The following CNTN1 variants were observed in gnomAD, a reference collection of about 807,000 sequenced individuals.
CNTN1 encodes contactin 1, also known as contactin-1.
In CNTN1, 38 loss-of-function variants were observed where a neutral mutation model predicts 126.4. The ratio of observed to expected loss-of-function variants is 0.30; its 90% CI spans 0.23 to 0.39. CNTN1 has a LOEUF of 0.39. Among genes scored for constraint, CNTN1 ranks in the 10% least tolerant of loss-of-function variants. CNTN1 has a pLI of 1.00. For synonymous variants in CNTN1, 413 were observed against 422.6 expected (o/e 0.98, Z 0.28); for missense variants, 1,009 against 1,248.4 (o/e 0.81, Z 2.89).
At chr12:41,043,046 C>T (rs1424440346) in intron 23 of CNTN1, among the ~76,000 whole-genome samples, 1 of 152,026 alleles carries the variant, frequency 6.6e-6, no homozygotes, top group Non-Finnish European at 1.5e-5. Context: ...CCATAAAAAC[C>T]CTAGAAGAAA....
chr12:40,777,829 T>C (rs1309256480), intron 1 of CNTN1, among the ~76,000 whole-genome samples: 1 of 151,732 alleles, frequency 6.6e-6, no homozygotes, highest in East Asian at 1.9e-4. Flanking sequence ...TCATCACCTA[T>C]GGCATGATTA....
chr12:40,886,599 C>T (rs536305893), intron 1 of CNTN1, among the ~76,000 whole-genome samples: 1 of 152,078 alleles, frequency 6.6e-6, no homozygotes, highest in South Asian at 2.1e-4. Context: ...ATTTTGGCTT[C>T]TGTTGCCATT....
chr12:40,966,282 G>A (rs1190584060), intron 15 of CNTN1, among the ~76,000 whole-genome samples: 1 of 151,976 alleles, frequency 6.6e-6, no homozygotes, highest in Non-Finnish European at 1.5e-5. Flanking sequence ...GCAGAACTGA[G>A]ACAGGAAAAT....
intron 23 of CNTN1, among the ~76,000 whole-genome samples, chr12:41,039,947 G>C (rs1022019122): frequency 7.9e-5 from 12 of 152,068 alleles, no homozygotes; most frequent in African/African-American, 2.9e-4. Context: ...AATTGCTTAA[G>C]AAAGCCCCTG....
chr12:41,018,114 A>G (rs947740038), intron 19 of CNTN1, among the ~76,000 whole-genome samples: 3 of 151,998 alleles, frequency 2.0e-5, no homozygotes, highest in Admixed American at 6.6e-5. Flanking sequence ...AATAATAATA[A>G]TAATAGCTTT....
chr12:41,007,129 G>A (rs1034644821), intron 17 of CNTN1, among the ~76,000 whole-genome samples: 7 of 132,148 alleles, frequency 5.3e-5, no homozygotes, highest in East Asian at 2.3e-4. Flanking sequence ...GCGGGATCTC[G>A]GCTCACTGCA....
chr12:40,827,013 C>A (rs1214207566), intron 1 of CNTN1, among the ~76,000 whole-genome samples: 1 of 152,100 alleles, frequency 6.6e-6, no homozygotes, highest in Non-Finnish European at 1.5e-5. Context: ...ATCTAAGACA[C>A]TTTGAAAAAT....
chr12:40,713,007 G>A (rs1341082671), intron 1 of CNTN1, among the ~76,000 whole-genome samples: 1 of 152,012 alleles, frequency 6.6e-6, no homozygotes, highest in Non-Finnish European at 1.5e-5. Context: ...TAGCACTCTT[G>A]CTTGTATTGC....
At chr12:40,704,818 C>T (rs1941697296) in intron 1 of CNTN1, among the ~76,000 whole-genome samples, 1 of 152,150 alleles carries the variant, frequency 6.6e-6, no homozygotes, top group African/African-American at 2.4e-5. Context: ...CTCACATCAC[C>T]AGGCTGAGAA....
chr12:40,906,867 G>T (rs1170839915), intron 1 of CNTN1, among the ~76,000 whole-genome samples: 3 of 151,548 alleles, frequency 2.0e-5, no homozygotes, highest in African/African-American at 7.3e-5. Flanking sequence ...AGTAGAGATG[G>T]GGGTTTCACC....
At chr12:40,928,667 G>T (rs1945777302) in intron 6 of CNTN1, among the ~76,000 whole-genome samples, 1 of 152,038 alleles carries the variant, frequency 6.6e-6, no homozygotes, top group Admixed American at 6.6e-5. Context: ...TCTTGATGTT[G>T]TATTTTGCTG....
Position 41,072,013 on chromosome 12 carries a change from G to A in CNTN1, c.*1978G>A, listed in dbSNP as rs1566267640. ...ATGAAATGGTTCTGAAAGGTAAGAG[G>A]AAAACAGACTTTGGAGGTTGTTTAG... On this transcript the variant is annotated 3_prime_UTR_variant, in exon 24 of 24. Transcript: ENST00000551295. The A allele has an allele frequency of 6.6e-6, 1 of 152,172 alleles. No individual in the cohort carries two copies. Among genetic ancestry groups the A allele is most frequent in the Non-Finnish European group, 1.5e-5 (1 of 68,014 alleles). 9.4% of individuals were successfully genotyped at this position (152,172 alleles called of 1,614,324 possible).
intron 1 of CNTN1, among the ~76,000 whole-genome samples, chr12:40,835,077 A>G (rs1468491178): frequency 6.6e-6 from 1 of 152,172 alleles, no homozygotes; most frequent in Non-Finnish European, 1.5e-5. Flanking sequence ...GACTATGGCA[A>G]ATGTGAATAT....
At chr12:40,936,221 A>G (rs974764235) in intron 9 of CNTN1, among the ~76,000 whole-genome samples, 24 of 152,076 alleles carry the variant, frequency 1.6e-4, no homozygotes, top group Non-Finnish European at 3.2e-4. Context: ...CAATGCATGG[A>G]TTTCACCAAT....
rs560738126 is a variant in CNTN1 at position 40,799,183 on chromosome 12, A to G, written c.-77+106591A>G. ...ATCTATAGCCTAATATTGCTTGATA[A>G]TATATATAATAAAATATATTACTTA... On this transcript the variant is annotated intron_variant, in intron 1 of 23. Coordinates refer to ENST00000551295, the MANE Select transcript of CNTN1 (RefSeq NM_001843.4). 2.0e-5 allele frequency among the ~76,000 whole-genome samples: 3 copies of G among 151,194 alleles called. No homozygotes were observed. In the South Asian group the frequency reaches 6.2e-4, roughly 31 times the overall value.
chr12:41,017,696 T>C (rs770501173), intron 19 of CNTN1, among the ~76,000 whole-genome samples: 4 of 152,182 alleles, frequency 2.6e-5, no homozygotes, highest in Non-Finnish European at 5.9e-5. Flanking sequence ...CTTTATATAT[T>C]TATACAAATG....
rs1243355031 is a variant in CNTN1, at chr12:40,901,769, T to A, written c.-76-6588T>A. Among the ~76,000 whole-genome samples the A allele has an allele frequency of 2.6e-5, 4 of 152,210 alleles. No homozygotes were observed. In the East Asian group the frequency reaches 7.7e-4, roughly 29 times the overall value. On this transcript the variant is annotated intron_variant, in intron 1 of 23. Transcript: ENST00000551295. ...TAATCATTTGCAGAAAAGGGGGTATTCTCCTTGTGTGTGTACTGTATTCCT... is the reference window on the plus strand; with the variant it reads ...TAATCATTTGCAGAAAAGGGGGTATACTCCTTGTGTGTGTACTGTATTCCT...
chr12:40,774,478 T>G (rs1338370953), intron 1 of CNTN1, among the ~76,000 whole-genome samples: 1 of 151,720 alleles, frequency 6.6e-6, no homozygotes, highest in East Asian at 1.9e-4. Context: ...ACAGCACATA[T>G]TTAAAGAATG....
At chr12:40,916,866 C>A (rs1945264045) in intron 3 of CNTN1, among the ~76,000 whole-genome samples, 1 of 151,952 alleles carries the variant, frequency 6.6e-6, no homozygotes, top group South Asian at 2.1e-4. Flanking sequence ...AGTCTCAGTT[C>A]CTCTCATTCT....
Sources: allele counts gnomAD v4.1 joint callset (sites outside exome capture counted in the v4.1 genomes callset), GRCh38; gene constraint gnomAD v4.1.1; transcripts MANE v1.5; gene names NCBI Gene and HGNC (gene_info 2026-07-23, HGNC 2026-07-21).